QTMAN: variants seen among roughly 807,000 people sequenced by gnomAD.
QTMAN encodes the protein tRNA-queuosine alpha-mannosyltransferase.
At chr2:144,259,760 A>G in the QTMAN span, among the ~76,000 whole-genome samples, 1 of 152,064 alleles carries the variant, frequency 6.6e-6, no homozygotes, top group African/African-American at 2.4e-5. Context: ...AAAGAAATTT[A>G]TTTTTAAAAA....
At chr2:143,940,531 A>G in the QTMAN span, 1 of 152,250 alleles carries the variant, frequency 6.6e-6, no homozygotes, top group Non-Finnish European at 1.5e-5. Context: ...TATCTCAGGC[A>G]TAAATTTCCC....
chr2:143,949,261 A>C, the QTMAN span, among the ~76,000 whole-genome samples: 1 of 151,994 alleles, frequency 6.6e-6, no homozygotes, highest in African/African-American at 2.4e-5. Context: ...AGTCACTTTA[A>C]GAAAAAAAGT....
the QTMAN span, among the ~76,000 whole-genome samples, chr2:144,321,234 CTG>C: frequency 6.6e-6 from 1 of 152,192 alleles, no homozygotes; most frequent in East Asian, 1.9e-4. Context: ...CCCAAGATAT[CTG>C]TGTCTCTTGA....
the QTMAN span, among the ~76,000 whole-genome samples, chr2:144,153,558 G>A: frequency 1.3e-5 from 2 of 152,152 alleles, no homozygotes; most frequent in Admixed American, 1.3e-4. Context: ...AGGCATGGTG[G>A]CAGGTGCCTG....
the QTMAN span, among the ~76,000 whole-genome samples, chr2:143,962,972 G>A: frequency 0.068 from 10,320 of 152,092 alleles, 389 homozygotes; most frequent in Middle Eastern, 0.12. Context: ...GCAACTGCTC[G>A]GTCATAATTT....
the QTMAN span, among the ~76,000 whole-genome samples, chr2:144,177,626 A>G: frequency 6.6e-6 from 1 of 152,172 alleles, no homozygotes; most frequent in East Asian, 1.9e-4. Context: ...GCAGGCATGC[A>G]CCCAGGCAAA....
chr2:144,193,690 AT>A, the QTMAN span, among the ~76,000 whole-genome samples: 2 of 151,732 alleles, frequency 1.3e-5, no homozygotes, highest in Non-Finnish European at 1.5e-5. Flanking sequence ...CTGGCTAATA[AT>A]TTTTTTAAAT....
the QTMAN span, among the ~76,000 whole-genome samples, chr2:144,322,965 C>T: frequency 6.6e-6 from 1 of 152,176 alleles, no homozygotes; most frequent in Admixed American, 6.5e-5. Flanking sequence ...GGGAAGCTGA[C>T]AATAGCACAG....
the QTMAN span, among the ~76,000 whole-genome samples, chr2:144,270,365 T>A: frequency 6.6e-6 from 1 of 152,202 alleles, no homozygotes; most frequent in Non-Finnish European, 1.5e-5. Context: ...CGTATGTTTA[T>A]TGCAGCATTA....
chr2:144,181,683 T>C, the QTMAN span, among the ~76,000 whole-genome samples: 14 of 151,934 alleles, frequency 9.2e-5, no homozygotes, highest in Admixed American at 3.9e-4. Flanking sequence ...TGGTGGTGCA[T>C]GCCTGTAGTG....
chr2:144,235,967 GTAA>G, the QTMAN span, among the ~76,000 whole-genome samples: 4 of 150,904 alleles, frequency 2.7e-5, no homozygotes, highest in East Asian at 1.9e-4. Flanking sequence ...CTGTAACTCA[GTAA>G]TAATAATAAT....
the QTMAN span, among the ~76,000 whole-genome samples, chr2:144,315,167 G>A: frequency 6.6e-6 from 1 of 152,198 alleles, no homozygotes; most frequent in Admixed American, 6.5e-5. Context: ...TTACAGGCAT[G>A]AGCCATCGCA....
chr2:144,108,629 C>T, the QTMAN span, among the ~76,000 whole-genome samples: 5 of 134,616 alleles, frequency 3.7e-5, no homozygotes, highest in East Asian at 9.9e-4. Flanking sequence ...CAGAGCAAGA[C>T]TCTGTCTCAA....
the QTMAN span, among the ~76,000 whole-genome samples, chr2:144,070,739 T>C: frequency 2.6e-5 from 4 of 152,180 alleles, no homozygotes; most frequent in African/African-American, 9.6e-5. Context: ...ATGACTTTTG[T>C]TAAAGATTAT....
the QTMAN span, among the ~76,000 whole-genome samples, chr2:144,210,270 G>A: frequency 2.0e-5 from 3 of 152,070 alleles, no homozygotes; most frequent in African/African-American, 7.2e-5. Flanking sequence ...AGAGACAACA[G>A]TACTAACCTC....
At chr2:144,197,295 TTG>T in the QTMAN span, among the ~76,000 whole-genome samples, 9,355 of 147,886 alleles carry the variant, frequency 0.063, 370 homozygotes, top group South Asian at 0.16. Flanking sequence ...GACTGTATAT[TTG>T]TGTGTGTGTG....
the QTMAN span, among the ~76,000 whole-genome samples, chr2:144,079,601 A>G: frequency 6.6e-6 from 1 of 152,040 alleles, no homozygotes; most frequent in African/African-American, 2.4e-5. Context: ...GGTTCACTCT[A>G]TCTGGGAGGA....
At chr2:143,998,508 G>GT in the QTMAN span, among the ~76,000 whole-genome samples, 2 of 147,666 alleles carry the variant, frequency 1.4e-5, no homozygotes, top group Admixed American at 6.7e-5. Context: ...GACTGACCGA[G>GT]TAAAAAAAAA....
the QTMAN span, among the ~76,000 whole-genome samples, chr2:144,196,233 ACAC>A: frequency 6.6e-6 from 1 of 151,740 alleles, no homozygotes; most frequent in African/African-American, 2.4e-5. Context: ...ACACACACAC[ACAC>A]ACACACACAC....
Sources: gnomAD v4.1 joint callset for allele counts (sites outside exome capture counted in the v4.1 genomes callset) on GRCh38, gnomAD v4.1.1 for gene constraint, MANE v1.5 for transcripts, NCBI Gene and HGNC (gene_info 2026-07-23, HGNC 2026-07-21) for gene names.